The following PLCG2 variants were observed in gnomAD, a reference collection of about 807,000 sequenced individuals.
PLCG2 encodes phospholipase C gamma 2, also known as 1-phosphatidylinositol 4,5-bisphosphate phosphodiesterase gamma-2.
In PLCG2, 69 loss-of-function variants were observed where a neutral mutation model predicts 175.6. That is an observed-to-expected ratio of 0.39 (90% CI 0.32 to 0.48). The LOEUF (loss-of-function observed/expected upper bound fraction) is 0.48, where lower values mean the gene tolerates loss of function less well. PLCG2 is among the 20% of genes least tolerant of loss of function. The pLI is 0.91. For synonymous variants in PLCG2, 827 were observed against 624.0 expected, an observed-to-expected ratio of 1.33 and a Z score of -4.85; for missense variants, 1,798 against 1,650.9, an observed-to-expected ratio of 1.09 and a Z score of -1.54.
Position 81,907,662 on chromosome 16 carries a change from C to G in PLCG2, c.1468-23C>G, listed in dbSNP as rs754489912. Reference sequence around the variant, plus strand: ...GATGAGGTAGAGGACTTGGGGGGCACTAATACCAGTTTCACTTTCTAGAAA... The same window carrying G: ...GATGAGGTAGAGGACTTGGGGGGCAGTAATACCAGTTTCACTTTCTAGAAA... On this transcript the variant is annotated intron_variant, in intron 15 of 32. Coordinates refer to ENST00000564138, the MANE Select transcript of PLCG2 (RefSeq NM_002661.5). 3.8e-6 allele frequency: 6 copies of G among 1,582,960 alleles called. No individual in the cohort carries two copies. The East Asian group carries it at 1.3e-4, about 35-fold the overall frequency.
At chr16:81,925,480 C>T (rs532579128) in intron 22 of PLCG2, among the ~76,000 whole-genome samples, 28 of 152,272 alleles carry the variant, frequency 1.8e-4, no homozygotes, top group African/African-American at 6.0e-4. Context: ...GCTTACAACC[C>T]GCAGTCCTGT....
intron 2 of PLCG2, among the ~76,000 whole-genome samples, chr16:81,827,390 T>C (rs763933478): frequency 5.9e-5 from 9 of 151,962 alleles, no homozygotes; most frequent in Non-Finnish European, 1.2e-4. Flanking sequence ...GGTTTTGCCA[T>C]GTTTCCCAGG....
At chr16:81,892,874 G>C (rs937490542) in intron 11 of PLCG2, among the ~76,000 whole-genome samples, 1 of 146,588 alleles carries the variant, frequency 6.8e-6, no homozygotes, top group Non-Finnish European at 1.5e-5. Context: ...TTGAGACAGA[G>C]TCTCACTCTG....
chr16:81,915,791 C>G (rs968907921), intron 19 of PLCG2, among the ~76,000 whole-genome samples: 11 of 152,046 alleles, frequency 7.2e-5, no homozygotes, highest in African/African-American at 2.7e-4. Context: ...CCAGAGCCCC[C>G]CTGCCTGCCC....
At chr16:81,848,528 G>C (rs1222459966) in intron 2 of PLCG2, among the ~76,000 whole-genome samples, 1 of 152,014 alleles carries the variant, frequency 6.6e-6, no homozygotes, top group Non-Finnish European at 1.5e-5. Flanking sequence ...TCCTTGTCTG[G>C]GTAACCTGTG....
intron 2 of PLCG2, among the ~76,000 whole-genome samples, chr16:81,845,554 A>G (rs1238790289): frequency 6.6e-6 from 1 of 152,234 alleles, no homozygotes; most frequent in South Asian, 2.1e-4. Flanking sequence ...CCTCATCAGT[A>G]GCGACACTGC....
chr16:81,945,305 A>G (rs1911107430), intron 30 of PLCG2, among the ~76,000 whole-genome samples: 1 of 152,270 alleles, frequency 6.6e-6, no homozygotes, highest in African/African-American at 2.4e-5. Flanking sequence ...ATCAGTAGAT[A>G]TGATATAAAT....
At chr16:81,846,315 T>C (rs1393555939) in intron 2 of PLCG2, among the ~76,000 whole-genome samples, 1 of 152,184 alleles carries the variant, frequency 6.6e-6, no homozygotes, top group East Asian at 1.9e-4. Context: ...CCACTCCCTA[T>C]ACAGTCAGGG....
intron 2 of PLCG2, among the ~76,000 whole-genome samples, chr16:81,832,317 A>G (rs1905293709): frequency 6.6e-6 from 1 of 152,240 alleles, no homozygotes; most frequent in Non-Finnish European, 1.5e-5. Context: ...AATAATCCTC[A>G]GATTAAGCAA....
chr16:81,927,210 A>G lies in PLCG2; in HGVS notation c.2514+32A>G, dbSNP rs773240710. On this transcript the variant is annotated intron_variant, in intron 23 of 32. Transcript: ENST00000564138. ...CCCCCTCTTCGATCCTCTTACAGGA[A>G]GAAGGGATCTGCAGGTCCAGTTTTT... 4.4e-5 allele frequency: 64 copies of G among 1,448,032 alleles called. 1 individual carries two copies. The South Asian group carries it at 6.2e-4, about 14-fold the overall frequency. The allele number at this position is 1,448,032 out of a possible 1,614,324, so 89.7% of individuals were successfully genotyped here. A position where few individuals can be genotyped will look rare whatever the true frequency, so the allele number is the denominator to read the frequency against.
intron 18 of PLCG2, among the ~76,000 whole-genome samples, chr16:81,911,790 C>CTTTTTTTT (rs35027472): frequency 1.5e-5 from 1 of 67,238 alleles, no homozygotes; most frequent in African/African-American, 6.2e-5. Flanking sequence ...TTTGTATTTC[C>CTTTTTTTT]TTTTTTTTTT....
At chr16:81,743,235 C>G (rs772253900) in intron 1 of PLCG2, among the ~76,000 whole-genome samples, 17 of 152,226 alleles carry the variant, frequency 1.1e-4, no homozygotes, top group Non-Finnish European at 2.5e-4. Context: ...CCTGTAGTCA[C>G]AGCTACTAGC....
chr16:81,838,791 A>ATATATATG (rs1905666931), intron 2 of PLCG2, among the ~76,000 whole-genome samples: 1 of 147,554 alleles, frequency 6.8e-6, no homozygotes, highest in African/African-American at 2.5e-5. Context: ...ATATATATAT[A>ATATATATG]TATATATATA....
intron 1 of PLCG2, among the ~76,000 whole-genome samples, chr16:81,742,593 G>A (rs545972174): frequency 4.6e-5 from 7 of 152,330 alleles, no homozygotes; most frequent in African/African-American, 1.2e-4. Flanking sequence ...TTTCAGGAGC[G>A]CTTAGTATGT....
chr16:81,941,708 T>A (rs1048432163), intron 30 of PLCG2, among the ~76,000 whole-genome samples: 5 of 151,944 alleles, frequency 3.3e-5, no homozygotes, highest in Non-Finnish European at 4.4e-5. Flanking sequence ...TCCCCCTTTT[T>A]TTTTTTTGAG....
chr16:81,865,961 G>C (rs1171811223), intron 5 of PLCG2, among the ~76,000 whole-genome samples: 1 of 138,808 alleles, frequency 7.2e-6, no homozygotes, highest in Non-Finnish European at 1.6e-5. Context: ...CTTTCTCCCA[G>C]GATGGGCTCC....
At chr16:81,910,484 C>T (rs986148553) in intron 17 of PLCG2, 36 bp from the exon 18 acceptor site, 31 of 1,598,814 alleles carry the variant, frequency 1.9e-5, no homozygotes, top group Admixed American at 5.0e-5. Context: ...GCCTGGCCTG[C>T]GTTCTCCCAG....
At chr16:81,833,847 C>G (rs1007652427) in intron 2 of PLCG2, among the ~76,000 whole-genome samples, 1 of 152,196 alleles carries the variant, frequency 6.6e-6, no homozygotes, top group African/African-American at 2.4e-5. Flanking sequence ...GGCGCCCGGC[C>G]TCCTGTGTGT....
chr16:81,860,123 C>T (rs924139857), intron 5 of PLCG2, among the ~76,000 whole-genome samples: 13 of 149,100 alleles, frequency 8.7e-5, no homozygotes, highest in African/African-American at 2.2e-4. Flanking sequence ...AGGTGTGTTT[C>T]ACCATGCCTG....
Sources: gnomAD v4.1 joint callset for allele counts (sites outside exome capture counted in the v4.1 genomes callset) on GRCh38, gnomAD v4.1.1 for gene constraint, MANE v1.5 for transcripts, NCBI Gene and HGNC (gene_info 2026-07-23, HGNC 2026-07-21) for gene names.